The following BCL2L13 variants were observed in gnomAD, a reference collection of about 807,000 sequenced individuals.
The protein encoded by BCL2L13 is bcl-2-like protein 13.
A neutral mutation model predicts 25.8 loss-of-function variants in BCL2L13; 13 were observed. The observed-to-expected ratio is 0.50, with a 90% confidence interval of 0.33 to 0.80. BCL2L13 has a LOEUF of 0.80. Among genes scored for constraint, BCL2L13 ranks in the 30% least tolerant of loss-of-function variants. The pLI, the probability that BCL2L13 is intolerant of heterozygous loss-of-function variation, is 0.02. For missense variants in BCL2L13, 504 were observed against 574.9 expected, an observed-to-expected ratio of 0.88 and a Z score of 1.26; for synonymous variants, 244 against 230.3, an observed-to-expected ratio of 1.06 and a Z score of -0.54.
chr22:17,725,005 T>C (rs1245095446), intron 6 of BCL2L13, among the ~76,000 whole-genome samples: 1 of 152,022 alleles, frequency 6.6e-6, no homozygotes, highest in Non-Finnish European at 1.5e-5. Context: ...TCGTAGCCCT[T>C]GTGCCTGACA....
At chr22:17,639,196 C>A (rs1048405252) in intron 1 of BCL2L13, among the ~76,000 whole-genome samples, 2 of 152,220 alleles carry the variant, frequency 1.3e-5, no homozygotes, top group East Asian at 1.9e-4. Flanking sequence ...CAGACAGCTT[C>A]ACGTGGAAAA....
intron 4 of BCL2L13, 57 bp downstream of exon 4, chr22:17,689,199 G>A: frequency 6.4e-7 from 1 of 1,563,754 alleles, no homozygotes; most frequent in East Asian, 2.3e-5. Context: ...GATCTCTCAT[G>A]CAGCACTGGA....
intron 2 of BCL2L13, among the ~76,000 whole-genome samples, chr22:17,661,438 G>A (rs1159488990): frequency 6.9e-6 from 1 of 145,936 alleles, no homozygotes; most frequent in African/African-American, 2.4e-5. Flanking sequence ...TTAAGCTAGT[G>A]TTGTAAACTT....
At chr22:17,635,907 C>T (rs984862985), upstream of BCL2L13, among the ~76,000 whole-genome samples, 13 of 147,724 alleles carry the variant, frequency 8.8e-5, no homozygotes, top group Non-Finnish European at 1.3e-4. Flanking sequence ...GACGGGGTTT[C>T]ACTGTGTTGG....
intron 2 of BCL2L13, among the ~76,000 whole-genome samples, chr22:17,666,942 C>T (rs980051341): frequency 6.6e-6 from 1 of 152,126 alleles, no homozygotes; most frequent in African/African-American, 2.4e-5. Flanking sequence ...GCCTCAGCCT[C>T]CCAAAGTGCT....
intron 6 of BCL2L13, among the ~76,000 whole-genome samples, chr22:17,715,141 TATATATATATATATATATATATATA>T (rs1569007431): frequency 0.048 from 329 of 6,922 alleles, 28 homozygotes; most frequent in Middle Eastern, 0.12. Flanking sequence ...TATATATATA[TATATATATATATATATATATATATA>T]TATATTTTTT....
chr22:17,696,020 T>C, intron 4 of BCL2L13, 121 bp from the exon 5 acceptor site: 1 of 689,240 alleles, frequency 1.5e-6, no homozygotes, highest in East Asian at 2.7e-5. Flanking sequence ...CAAAACAGTA[T>C]GTTGAATAAT....
intron 6 of BCL2L13, among the ~76,000 whole-genome samples, chr22:17,710,737 C>T (rs1029890382): frequency 4.6e-5 from 7 of 151,772 alleles, no homozygotes; most frequent in Non-Finnish European, 1.0e-4. Context: ...ATTAGCCGGG[C>T]GTGGTGGTGG....
intron 6 of BCL2L13, among the ~76,000 whole-genome samples, chr22:17,717,030 CT>C (rs1203726502): frequency 1.3e-5 from 2 of 152,238 alleles, no homozygotes; most frequent in Admixed American, 6.5e-5. Context: ...TCTTCACCCC[CT>C]GTCCTATGCT....
rs578237520 is a variant in BCL2L13 at position 17,681,166 on chromosome 22, A to G, written c.122-2048A>G. Among the ~76,000 whole-genome samples, 4 of 152,270 alleles carry G rather than the reference A, an allele frequency of 2.6e-5. No individual in the cohort carries two copies. In the East Asian group the frequency reaches 7.7e-4, roughly 29 times the overall value. On this transcript the variant is annotated intron_variant, in intron 2 of 6. Transcript: ENST00000317582. ...CATTAGCCAAATGAAAGAGGACTAT[A>G]TTATGCAGTGGGTGTGAGTATGTGA...
rs903048832 is a variant in BCL2L13, at chr22:17,668,959, A to G, written c.121+13127A>G. ...GTTGTCCTTGTCTTAGTTCATTTATATTGCTATAAAGGTACACCCGAGGCT... is the reference window on the plus strand; with the variant it reads ...GTTGTCCTTGTCTTAGTTCATTTATGTTGCTATAAAGGTACACCCGAGGCT... On this transcript the variant is annotated intron_variant, in intron 2 of 6. Coordinates refer to ENST00000317582, the MANE Select transcript of BCL2L13 (RefSeq NM_015367.4). 5.3e-4 allele frequency among the ~76,000 whole-genome samples: 79 copies of G among 150,234 alleles called. 1 individual carries two copies. The highest frequency in any genetic ancestry group is 4.9e-4 in the Non-Finnish European group (33 of 67,752).
chr22:17,722,392 T>C (rs1020831564), intron 6 of BCL2L13, among the ~76,000 whole-genome samples: 9 of 150,782 alleles, frequency 6.0e-5, no homozygotes, highest in Admixed American at 4.0e-4. Context: ...TGTGTGTGTG[T>C]GTGTGTGTGT....
chr22:17,712,024 GT>G (rs759236287), intron 6 of BCL2L13, among the ~76,000 whole-genome samples: 3,650 of 143,676 alleles, frequency 0.025, 127 homozygotes, highest in African/African-American at 0.084. Flanking sequence ...TTTTTTGAAG[GT>G]TTTTTTTTTT....
chr22:17,672,909 T>G (rs1365181557), intron 2 of BCL2L13, among the ~76,000 whole-genome samples: 1 of 152,098 alleles, frequency 6.6e-6, no homozygotes, highest in Non-Finnish European at 1.5e-5. Flanking sequence ...TTTGGGTATG[T>G]AGATTTTCCA....
intron 6 of BCL2L13, among the ~76,000 whole-genome samples, chr22:17,715,141 T>G (rs2060883504): frequency 1.4e-4 from 1 of 6,938 alleles, no homozygotes; most frequent in Non-Finnish European, 3.5e-4. Context: ...TATATATATA[T>G]ATATATATAT....
chr22:17,643,901 C>T lies in BCL2L13; in HGVS notation c.-51+5015C>T, dbSNP rs548435659. ...GTGCTGGGATTACAGGCGTGAGCCA[C>T]GGCGCCCGGCCAACTTTTTTATTTT... On this transcript the variant is annotated intron_variant, in intron 1 of 6. Coordinates refer to ENST00000317582, the MANE Select transcript of BCL2L13 (RefSeq NM_015367.4). Among the ~76,000 whole-genome samples the T allele has an allele frequency of 9.9e-5, 15 of 151,166 alleles. No homozygotes were observed. In the South Asian group the frequency reaches 2.7e-3, roughly 27 times the overall value.
At chr22:17,726,234 G>T (rs914646459) in intron 6 of BCL2L13, among the ~76,000 whole-genome samples, 1 of 151,910 alleles carries the variant, frequency 6.6e-6, no homozygotes, top group Non-Finnish European at 1.5e-5. Context: ...GCCTATAATT[G>T]CAGCTACTGG....
chr22:17,684,846 C>T (rs574548145), intron 3 of BCL2L13, among the ~76,000 whole-genome samples: 1 of 152,120 alleles, frequency 6.6e-6, no homozygotes, highest in African/African-American at 2.4e-5. Flanking sequence ...CATTCTCCTG[C>T]CTCAGCCTCC....
chr22:17,697,148 A>AG (rs1382163824), intron 5 of BCL2L13, among the ~76,000 whole-genome samples: 1 of 151,894 alleles, frequency 6.6e-6, no homozygotes, highest in African/African-American at 2.4e-5. Flanking sequence ...AAAAAAAAAA[A>AG]AAAATTTCGG....
Sources: gnomAD v4.1 joint callset for allele counts (sites outside exome capture counted in the v4.1 genomes callset) on GRCh38, gnomAD v4.1.1 for gene constraint, MANE v1.5 for transcripts, NCBI Gene and HGNC (gene_info 2026-07-23, HGNC 2026-07-21) for gene names.